Variants in PRMT9 observed in about 807,000 individuals in gnomAD.
PRMT9 encodes protein arginine N-methyltransferase 9.
In PRMT9, 59 loss-of-function variants were observed where a neutral mutation model predicts 83.2. The ratio of observed to expected loss-of-function variants is 0.71; its 90% CI spans 0.57 to 0.88. The LOEUF (loss-of-function observed/expected upper bound fraction) is 0.88, where lower values mean the gene tolerates loss of function less well. PRMT9 is among the 40% of genes least tolerant of loss of function. The pLI is 0.00. For missense variants in PRMT9, 947 were observed against 1,021.9 expected (o/e 0.93, Z 1.00); for synonymous variants, 333 against 353.2 (o/e 0.94, Z 0.64).
intron 6 of PRMT9, among the ~76,000 whole-genome samples, chr4:147,663,831 ACT>A (rs956343317): frequency 1.3e-5 from 2 of 151,850 alleles, no homozygotes; most frequent in Non-Finnish European, 2.9e-5. Context: ...TGTATATAAC[ACT>A]CTATTTGTAC....
chr4:147,682,262 C>A (rs891430280), intron 1 of PRMT9, among the ~76,000 whole-genome samples: 1 of 152,164 alleles, frequency 6.6e-6, no homozygotes, highest in Non-Finnish European at 1.5e-5. Flanking sequence ...TCACCACAAC[C>A]TCTGCCTCCC....
At chr4:147,674,769 ACC>A (rs1358049990) in intron 2 of PRMT9, among the ~76,000 whole-genome samples, 2 of 152,160 alleles carry the variant, frequency 1.3e-5, no homozygotes, top group Admixed American at 1.3e-4. Flanking sequence ...CAGTTTCCTA[ACC>A]ATATGCTTGG....
intron 7 of PRMT9, 44 bp downstream of exon 7, chr4:147,660,802 G>T (rs1200701370): frequency 1.6e-6 from 2 of 1,245,684 alleles, no homozygotes; most frequent in Non-Finnish European, 2.4e-6. Context: ...TTTAAACAAT[G>T]CATGAAATTT....
chr4:147,673,599 A>C, intron 3 of PRMT9, 39 bp downstream of exon 3: 1 of 1,199,110 alleles, frequency 8.3e-7, no homozygotes, highest in Non-Finnish European at 1.2e-6. Flanking sequence ...TTTACATTAG[A>C]ATACATGTAT....
At chr4:147,656,195 C>T (rs1734473841) in intron 8 of PRMT9, among the ~76,000 whole-genome samples, 5 of 152,172 alleles carry the variant, frequency 3.3e-5, no homozygotes, top group Non-Finnish European at 5.9e-5. Flanking sequence ...ATACTGATTC[C>T]AGGCCTTTAT....
rs150256819 is a variant in PRMT9, at chr4:147,663,412, G to T, written c.954-2374C>A. On this transcript the variant is annotated intron_variant, in intron 6 of 11. Transcript: ENST00000322396. ...AGGTCTCATGCTGTCGCCCAGGCTG[G>T]AGTACAAAGGTGTGATCTTGGCTCA... 1.2e-3 allele frequency among the ~76,000 whole-genome samples: 176 copies of T among 152,126 alleles called. 1 individual carries two copies. Among genetic ancestry groups the T allele is most frequent in the Non-Finnish European group, 2.0e-3 (139 of 68,006 alleles).
chr4:147,668,177 C>T (rs1015493027), intron 6 of PRMT9, among the ~76,000 whole-genome samples: 1 of 152,202 alleles, frequency 6.6e-6, no homozygotes, highest in Admixed American at 6.5e-5. Flanking sequence ...CCACCCAAAT[C>T]TCATCTCAAA....
intron 4 of PRMT9, among the ~76,000 whole-genome samples, chr4:147,671,193 TATC>T (rs1408337776): frequency 6.6e-6 from 1 of 152,200 alleles, no homozygotes; most frequent in Non-Finnish European, 1.5e-5. Context: ...CTTTCTCAGT[TATC>T]ATTTTTTTAT....
intron 6 of PRMT9, chr4:147,661,309 A>C: frequency 2.7e-6 from 1 of 366,750 alleles, no homozygotes; most frequent in Admixed American, 4.3e-5. Context: ...CAAGCAACTA[A>C]GATATTTGTA....
chr4:147,662,984 G>C (rs1342748492), intron 6 of PRMT9, among the ~76,000 whole-genome samples: 2 of 151,250 alleles, frequency 1.3e-5, no homozygotes, highest in South Asian at 2.1e-4. Context: ...CTCAAAAGAT[G>C]AATCAGCAAA....
chr4:147,666,924 G>A (rs977183879), intron 6 of PRMT9, among the ~76,000 whole-genome samples: 1 of 151,586 alleles, frequency 6.6e-6, no homozygotes, highest in Non-Finnish European at 1.5e-5. Flanking sequence ...AAGCTCCTAT[G>A]GTGCTTCTAC....
chr4:147,639,457 T>C (rs1188912617), intron 10 of PRMT9, among the ~76,000 whole-genome samples: 2 of 152,222 alleles, frequency 1.3e-5, no homozygotes, highest in African/African-American at 2.4e-5. Context: ...ACAACACTAA[T>C]TGAATTGTCT....
intron 9 of PRMT9, among the ~76,000 whole-genome samples, chr4:147,646,860 G>C (rs1310234281): frequency 6.6e-6 from 1 of 152,146 alleles, no homozygotes; most frequent in Non-Finnish European, 1.5e-5. Flanking sequence ...CTATAAATCT[G>C]AAACCACCTT....
Position 147,654,448 on chromosome 4 carries a change from AC to A in PRMT9, c.1448del (p.Ser483IlefsTer11). On this transcript the variant is annotated frameshift_variant, in exon 9 of 12. Transcript: ENST00000322396. LOFTEE classifies it high-confidence loss of function. ...ATAACAAGTCTTTATTCTGGGTAAA[AC>A]TTTTTGCAACATCCATTTCACATTC... ...GLECEMDVAK[S>X]FTQNKDLLSL... 6.2e-7 allele frequency: 1 copy of A among 1,613,972 alleles called. No homozygotes were observed. The highest frequency in any genetic ancestry group is 8.5e-7 in the Non-Finnish European group (1 of 1,179,990).
At chr4:147,683,757 G>A (rs371369055) in intron 1 of PRMT9, 42 bp downstream of exon 1, 1 of 1,189,376 alleles carries the variant, frequency 8.4e-7, no homozygotes, top group Non-Finnish European at 1.2e-6. Flanking sequence ...TTTTTTACGA[G>A]GACGTTGGAT....
At position 147,638,214 on chromosome 4, in the gene PRMT9, AAAAGT is replaced by A. The variant is rs1475420533; in HGVS notation, c.*313_*317del. 6.5e-6 allele frequency: 2 copies of A among 309,198 alleles called. No homozygotes were observed. Among genetic ancestry groups the A allele is most frequent in the Non-Finnish European group, 1.2e-5 (2 of 163,168 alleles). 19.2% of individuals were successfully genotyped at this position (309,198 alleles called of 1,614,324 possible). A position where few individuals can be genotyped will look rare whatever the true frequency, so the allele number is the denominator to read the frequency against. ...TAAGAAAAAAGGCCAAGATGCCTAC[AAAAGT>A]AAAGTTTTGCTTTACTTACACATGT... is the stretch of plus-strand genomic sequence containing the variant. On this transcript the variant is annotated 3_prime_UTR_variant, in exon 12 of 12. Coordinates refer to ENST00000322396, the MANE Select transcript of PRMT9 (RefSeq NM_138364.4).
chr4:147,677,043 CAAAAAAAA>C (rs1176356042), intron 2 of PRMT9, among the ~76,000 whole-genome samples: 1 of 56,578 alleles, frequency 1.8e-5, no homozygotes, highest in Non-Finnish European at 4.2e-5. Context: ...GACTCCGTCT[CAAAAAAAA>C]AAAAAAAAAA....
chr4:147,657,806 A>G lies in PRMT9; in HGVS notation c.1316T>C (p.Val439Ala). ...ACAAGACCTACCTGCAAGGTCCTGT[A>G]CGGGGTAGACAGCCTGTTCCCAACA... ...ETCWEQAVYP[V>A]QDLADYWIKP... Residue 439 changes from valine (V) to alanine (A), a missense_variant, in exon 8 of 12, where the codon GTA (valine) becomes GCA (alanine). Val to Ala is a moderately conservative substitution (Grantham distance 64). Coordinates refer to ENST00000322396, the MANE Select transcript of PRMT9 (RefSeq NM_138364.4). 1 of 1,612,406 alleles carries G rather than the reference A, an allele frequency of 6.2e-7. No homozygotes were observed. Among genetic ancestry groups the G allele is most frequent in the East Asian group, 2.2e-5 (1 of 44,802 alleles).
At chr4:147,682,829 C>T (rs746843769) in intron 1 of PRMT9, among the ~76,000 whole-genome samples, 43 of 152,128 alleles carry the variant, frequency 2.8e-4, no homozygotes, top group Non-Finnish European at 4.9e-4. Context: ...ACATGAACTA[C>T]AAACATCTAG....
Sources: allele counts gnomAD v4.1 joint callset (sites outside exome capture counted in the v4.1 genomes callset), GRCh38; gene constraint gnomAD v4.1.1; transcripts MANE v1.5; gene names NCBI Gene and HGNC (gene_info 2026-07-23, HGNC 2026-07-21).